The following FOXP1 variants were observed in gnomAD, a reference collection of about 807,000 sequenced individuals.
The protein encoded by FOXP1 is forkhead box protein P1.
FOXP1 carries 15 observed loss-of-function variants against 98.2 expected under a neutral mutation model. That is an observed-to-expected ratio of 0.15 (90% confidence interval 0.10 to 0.24). FOXP1 has a LOEUF of 0.24. Ranked by LOEUF, FOXP1 falls within the 10% of genes least tolerant of loss-of-function variation. The probability of loss-of-function intolerance (pLI) is 1.00; values close to 1 mark genes in which losing one functional copy is unlikely to be tolerated. For missense variants in FOXP1, 633 were observed against 848.5 expected (o/e 0.75, Z 3.15); for synonymous variants, 371 against 314.5 (o/e 1.18, Z -1.90).
At chr3:71,080,535 T>C (rs929063340) in intron 7 of FOXP1, among the ~76,000 whole-genome samples, 1 of 152,274 alleles carries the variant, frequency 6.6e-6, no homozygotes, top group African/African-American at 2.4e-5. Flanking sequence ...TGTCGCATTA[T>C]TACACGATAA....
intron 3 of FOXP1, among the ~76,000 whole-genome samples, chr3:71,462,879 C>A (rs1326510993): frequency 6.6e-6 from 1 of 152,208 alleles, no homozygotes; most frequent in South Asian, 2.1e-4. Flanking sequence ...AGGCTGGTCA[C>A]CCCAGGTCTT....
intron 5 of FOXP1, among the ~76,000 whole-genome samples, chr3:71,263,009 G>C (rs1482395625): frequency 6.6e-6 from 1 of 152,078 alleles, no homozygotes; most frequent in African/African-American, 2.4e-5. Flanking sequence ...CCTGAGATAG[G>C]GCTTCTCACG....
intron 13 of FOXP1, among the ~76,000 whole-genome samples, chr3:70,988,936 A>T (rs946192309): frequency 6.6e-6 from 1 of 152,170 alleles, no homozygotes; most frequent in African/African-American, 2.4e-5. Flanking sequence ...CATTTAGGGA[A>T]GATGGAGAAG....
chr3:71,056,990 T>G (rs2050737258), intron 7 of FOXP1, among the ~76,000 whole-genome samples: 1 of 152,170 alleles, frequency 6.6e-6, no homozygotes, highest in African/African-American at 2.4e-5. Flanking sequence ...CAGCCCACAC[T>G]TTATTGCCCA....
intron 3 of FOXP1, among the ~76,000 whole-genome samples, chr3:71,418,611 G>GT: frequency 6.6e-6 from 1 of 152,310 alleles, no homozygotes; most frequent in Non-Finnish European, 1.5e-5. Flanking sequence ...GAAGAAATTA[G>GT]TAACTGTCAG....
At position 70,959,261 on chromosome 3, in the gene FOXP1, C is replaced by T. The variant is rs368167189; in HGVS notation, c.2020G>A (p.Glu674Lys). The T allele has an allele frequency of 8.7e-6, 14 of 1,613,346 alleles. No individual in the cohort carries two copies. Among genetic ancestry groups the T allele is most frequent in the African/African-American group, 1.3e-5 (1 of 74,606 alleles). The change falls in exon 21 of 21, where the codon GAG becomes AAG. Residue 674 changes from glutamate to lysine, a missense_variant. Glu to Lys is a moderately conservative substitution (Grantham distance 56). Coordinates refer to ENST00000649528, the MANE Select transcript of FOXP1 (RefSeq NM_001349338.3). ...DRDYEDEPVN[E>K]DME ...CGCCCCGATAGTCACTCCATGTCCT[C>T]GTTTACTGGTTCATCTTCGTAATCT...
At chr3:71,424,933 A>C (rs947649027) in intron 3 of FOXP1, among the ~76,000 whole-genome samples, 1 of 152,214 alleles carries the variant, frequency 6.6e-6, no homozygotes, top group Non-Finnish European at 1.5e-5. Flanking sequence ...AGAACAGGGA[A>C]AGCTTTTTCT....
chr3:71,042,033 C>T (rs1228029354), intron 10 of FOXP1, among the ~76,000 whole-genome samples: 2 of 152,174 alleles, frequency 1.3e-5, no homozygotes, highest in South Asian at 2.1e-4. Flanking sequence ...GAATTCATAT[C>T]GTCTTCCTGA....
chr3:70,982,721 C>A (rs1406561585), intron 14 of FOXP1, among the ~76,000 whole-genome samples: 2 of 150,070 alleles, frequency 1.3e-5, no homozygotes, highest in South Asian at 4.2e-4. Flanking sequence ...ATTAATCTTT[C>A]TTTAGTTTTT....
intron 6 of FOXP1, among the ~76,000 whole-genome samples, chr3:71,132,573 G>T (rs1440291655): frequency 6.6e-6 from 1 of 152,202 alleles, no homozygotes; most frequent in African/African-American, 2.4e-5. Context: ...AAGGGCAACA[G>T]AATTCCACAT....
intron 4 of FOXP1, among the ~76,000 whole-genome samples, chr3:71,307,896 C>T (rs547254404): frequency 5.1e-4 from 78 of 152,126 alleles, no homozygotes; most frequent in African/African-American, 1.8e-3. Context: ...AGATACTGTA[C>T]CCTAAATTAA....
intron 2 of FOXP1, among the ~76,000 whole-genome samples, chr3:71,558,114 A>G (rs555886291): frequency 4.8e-4 from 73 of 152,258 alleles, no homozygotes; most frequent in African/African-American, 1.5e-3. Flanking sequence ...TTTCTTTAAG[A>G]CAGTGTATGC....
intron 6 of FOXP1, among the ~76,000 whole-genome samples, chr3:71,197,319 G>C (rs1023797512): frequency 1.3e-5 from 2 of 151,948 alleles, no homozygotes; most frequent in African/African-American, 2.4e-5. Flanking sequence ...TATTAACAAA[G>C]CCTAATAATA....
chr3:70,960,963 T>C (rs1225219337), intron 20 of FOXP1, among the ~76,000 whole-genome samples: 1 of 150,008 alleles, frequency 6.7e-6, no homozygotes, highest in African/African-American at 2.5e-5. Context: ...TGCCTCAGCC[T>C]CCTGAGTAAG....
At chr3:71,195,610 C>T (rs977996622) in intron 6 of FOXP1, among the ~76,000 whole-genome samples, 9 of 152,148 alleles carry the variant, frequency 5.9e-5, no homozygotes, top group Admixed American at 2.6e-4. Context: ...CTTTGTACTA[C>T]GGAATCTGAA....
chr3:71,396,774 G>T lies in FOXP1; in HGVS notation c.-167-37530C>A, dbSNP rs972117575. On this transcript the variant is annotated intron_variant, in intron 3 of 20. Coordinates refer to ENST00000649528, the MANE Select transcript of FOXP1 (RefSeq NM_001349338.3). ...GGGTCCCTTCTAAGCGTCAGGTCTT[G>T]TGAGATTGGGCATGTCTCACACCCA... 6.0e-5 allele frequency among the ~76,000 whole-genome samples: 9 copies of T among 150,626 alleles called. No homozygotes were observed. In the East Asian group the frequency reaches 1.8e-3, roughly 29 times the overall value.
At chr3:71,406,405 G>GTGTGTATATATATATATATA (rs1347753258) in intron 3 of FOXP1, among the ~76,000 whole-genome samples, 2 of 105,948 alleles carry the variant, frequency 1.9e-5, no homozygotes, top group Non-Finnish European at 4.4e-5. Context: ...AACTGTATGT[G>GTGTGTATATATATATATATA]TATATATATA....
intron 7 of FOXP1, among the ~76,000 whole-genome samples, chr3:71,094,098 T>C (rs970180064): frequency 6.6e-6 from 1 of 152,152 alleles, no homozygotes; most frequent in Non-Finnish European, 1.5e-5. Flanking sequence ...ACTTTCTCTA[T>C]AAAAGGCCAG....
intron 2 of FOXP1, among the ~76,000 whole-genome samples, chr3:71,568,548 ATACT>A (rs1478019555): frequency 6.6e-6 from 1 of 152,190 alleles, no homozygotes; most frequent in African/African-American, 2.4e-5. Flanking sequence ...CCTTCTTGAA[ATACT>A]TACTACTTTT....
Sources: gnomAD v4.1 joint callset for allele counts (sites outside exome capture counted in the v4.1 genomes callset) on GRCh38, gnomAD v4.1.1 for gene constraint, MANE v1.5 for transcripts, NCBI Gene and HGNC (gene_info 2026-07-23, HGNC 2026-07-21) for gene names.